CADPS: variants seen among roughly 807,000 people sequenced by gnomAD.
CADPS encodes calcium dependent secretion activator, also known as calcium-dependent secretion activator 1.
In CADPS, 57 loss-of-function variants were observed where a neutral mutation model predicts 167.3. That is an observed-to-expected ratio of 0.34 (90% CI 0.28 to 0.42). The LOEUF is 0.42. Among genes scored for constraint, CADPS ranks in the 20% least tolerant of loss-of-function variants. The pLI is 1.00. For missense variants in CADPS, 1,414 were observed against 1,738.1 expected (o/e 0.81, Z 3.32); for synonymous variants, 676 against 635.3 (o/e 1.06, Z -0.96).
At chr3:62,430,606 T>C (rs567100540) in intron 28 of CADPS, among the ~76,000 whole-genome samples, 11 of 152,196 alleles carry the variant, frequency 7.2e-5, no homozygotes, top group African/African-American at 2.6e-4. Flanking sequence ...TGGGACTGAA[T>C]ACATGGTTTT....
In CADPS at chr3:62,481,805, G is replaced by A. The variant is rs1177540300; in HGVS notation, c.3091C>T (p.Leu1031=). The A allele has an allele frequency of 6.2e-7, 1 of 1,611,506 alleles. No individual in the cohort carries two copies. Among genetic ancestry groups the A allele is most frequent in the African/African-American group, 1.3e-5 (1 of 74,830 alleles). The change falls in exon 22 of 30, where the codon CTA becomes TTA. Residue 1031 remains leucine (L), a synonymous_variant. Transcript: ENST00000383710. ...PNVNLPKVPN[L]PVNIPLGIPQ... is the part of the protein sequence containing the mutation. ...ATGCCTAGAGGGATGTTAACTGGTA[G>A]ATTTGGTACTTTGGGAAGGTTCACA...
intron 2 of CADPS, among the ~76,000 whole-genome samples, chr3:62,758,329 G>C (rs1035860898): frequency 1.3e-5 from 2 of 152,166 alleles, no homozygotes; most frequent in African/African-American, 4.8e-5. Context: ...AGAGATGAGT[G>C]GAATGATAAG....
intron 28 of CADPS, among the ~76,000 whole-genome samples, chr3:62,406,369 T>G (rs1377865188): frequency 6.6e-6 from 1 of 152,180 alleles, no homozygotes; most frequent in African/African-American, 2.4e-5. Flanking sequence ...CGGGTTTGCT[T>G]TATTTGAGAT....
At chr3:62,704,885 T>C (rs962324306) in intron 3 of CADPS, among the ~76,000 whole-genome samples, 5 of 152,134 alleles carry the variant, frequency 3.3e-5, no homozygotes, top group African/African-American at 1.2e-4. Context: ...GAAAGATCTC[T>C]TTCCCTCTCT....
chr3:62,860,920 AT>A (rs1396354329), intron 1 of CADPS, among the ~76,000 whole-genome samples: 1 of 152,156 alleles, frequency 6.6e-6, no homozygotes, highest in Non-Finnish European at 1.5e-5. Flanking sequence ...GCCTATGCAA[AT>A]TTAGGTTGGT....
At chr3:62,691,240 T>A (rs1312895977) in intron 3 of CADPS, among the ~76,000 whole-genome samples, 1 of 152,052 alleles carries the variant, frequency 6.6e-6, no homozygotes, top group African/African-American at 2.4e-5. Context: ...CATGTCATGA[T>A]GGTAGAGACA....
intron 6 of CADPS, among the ~76,000 whole-genome samples, chr3:62,631,315 C>T (rs1331744908): frequency 6.6e-6 from 1 of 152,110 alleles, no homozygotes; most frequent in Non-Finnish European, 1.5e-5. Context: ...TTAACATGTA[C>T]AATATGGCTT....
At chr3:62,453,510 A>G (rs1271304500) in intron 26 of CADPS, among the ~76,000 whole-genome samples, 1 of 152,180 alleles carries the variant, frequency 6.6e-6, no homozygotes, top group Non-Finnish European at 1.5e-5. Context: ...ACCTAACAGA[A>G]CCAACACTCA....
chr3:62,861,486 A>G (rs1379849187), intron 1 of CADPS, among the ~76,000 whole-genome samples: 2 of 152,194 alleles, frequency 1.3e-5, no homozygotes, highest in African/African-American at 2.4e-5. Flanking sequence ...ACATATAGGC[A>G]TTGATTTTCT....
At chr3:62,829,855 G>A (rs2074746667) in intron 1 of CADPS, among the ~76,000 whole-genome samples, 1 of 152,192 alleles carries the variant, frequency 6.6e-6, no homozygotes, top group Non-Finnish European at 1.5e-5. Flanking sequence ...ATGGAGACAA[G>A]AGAAGTCAGA....
intron 18 of CADPS, 54 bp from the exon 19 acceptor site, chr3:62,493,719 G>A: frequency 1.3e-6 from 2 of 1,490,538 alleles, no homozygotes; most frequent in Non-Finnish European, 1.8e-6. Flanking sequence ...CTGCAAGGTT[G>A]GCTTGGCTGG....
intron 3 of CADPS, among the ~76,000 whole-genome samples, chr3:62,678,547 A>G (rs2076663365): frequency 6.6e-6 from 1 of 152,106 alleles, no homozygotes; most frequent in Non-Finnish European, 1.5e-5. Flanking sequence ...CAGAAGGAAG[A>G]AACTGCAATG....
chr3:62,552,410 C>G (rs533710524), intron 10 of CADPS, among the ~76,000 whole-genome samples: 2 of 152,164 alleles, frequency 1.3e-5, no homozygotes, highest in Non-Finnish European at 2.9e-5. Context: ...TAGGTGGAAA[C>G]TTCTCTTTGG....
Position 62,492,247 on chromosome 3 carries a change from G to T in CADPS, c.2884+43C>A, listed in dbSNP as rs752187492. 18 of 1,558,820 alleles carry T rather than the reference G, an allele frequency of 1.2e-5. No homozygotes were observed. In the African/African-American group the frequency reaches 2.2e-4, roughly 19 times the overall value. On this transcript the variant is annotated intron_variant, in intron 20 of 29. Coordinates refer to ENST00000383710, the MANE Select transcript of CADPS (RefSeq NM_003716.4). ...AGACATCTTAGTGATCTGTTTATCT[G>T]CACACTACTTAGGAAAGTCAAACAG...
At chr3:62,760,879 A>G (rs189274477) in intron 2 of CADPS, among the ~76,000 whole-genome samples, 31 of 152,332 alleles carry the variant, frequency 2.0e-4, no homozygotes, top group African/African-American at 5.8e-4. Context: ...TCCTCTTCTG[A>G]TAATAGTACC....
At chr3:62,490,035 G>A (rs554502085) in intron 21 of CADPS, among the ~76,000 whole-genome samples, 1 of 152,244 alleles carries the variant, frequency 6.6e-6, no homozygotes, top group East Asian at 1.9e-4. Context: ...CTCCTCTTGT[G>A]GCTCAGATGT....
At chr3:62,676,809 C>A (rs896399269) in intron 3 of CADPS, among the ~76,000 whole-genome samples, 1 of 152,096 alleles carries the variant, frequency 6.6e-6, no homozygotes, top group African/African-American at 2.4e-5. Context: ...CTGACATGTG[C>A]AGTTGTGTTG....
chr3:62,868,214 C>A (rs2082049206), intron 1 of CADPS, among the ~76,000 whole-genome samples: 1 of 152,142 alleles, frequency 6.6e-6, no homozygotes, highest in East Asian at 1.9e-4. Context: ...ACACACAGTT[C>A]TAAATTTCAG....
At chr3:62,435,564 G>A (rs1359086159) in intron 28 of CADPS, among the ~76,000 whole-genome samples, 1 of 152,122 alleles carries the variant, frequency 6.6e-6, no homozygotes, top group Non-Finnish European at 1.5e-5. Flanking sequence ...CATCAGTTAG[G>A]TTGCCTAGCA....
Sources: gnomAD v4.1 joint callset for allele counts (sites outside exome capture counted in the v4.1 genomes callset) on GRCh38, gnomAD v4.1.1 for gene constraint, MANE v1.5 for transcripts, NCBI Gene and HGNC (gene_info 2026-07-23, HGNC 2026-07-21) for gene names.